SLC2A11: variants seen among roughly 807,000 people sequenced by gnomAD.
SLC2A11 encodes solute carrier family 2, facilitated glucose transporter member 11.
In SLC2A11, 43 loss-of-function variants were observed where a neutral mutation model predicts 52.1. That is an observed-to-expected ratio of 0.82 (90% CI 0.65 to 1.06). SLC2A11 has a LOEUF of 1.06. Among genes scored for constraint, SLC2A11 ranks in the 50% least tolerant of loss-of-function variants. The pLI, the probability that SLC2A11 is intolerant of heterozygous loss-of-function variation, is 0.00. For missense variants in SLC2A11, 582 were observed against 654.2 expected (o/e 0.89, Z 1.20); for synonymous variants, 261 against 277.6 (o/e 0.94, Z 0.59).
chr22:23,857,484 A>T, upstream of SLC2A11: 4 of 1,613,702 alleles, frequency 2.5e-6, no homozygotes, highest in Non-Finnish European at 3.4e-6. Context: ...GCTGCGGCAG[A>T]GGCGGATGGA....
Position 23,885,197 on chromosome 22 carries a change from T to A in SLC2A11, c.*348T>A, listed in dbSNP as rs1051188409. 2 of 427,092 alleles carry A rather than the reference T, an allele frequency of 4.7e-6. No homozygotes were observed. Among genetic ancestry groups the A allele is most frequent in the Admixed American group, 8.1e-5 (2 of 24,752 alleles). The allele number at this position is 427,092 out of a possible 1,614,324, so 26.5% of individuals were successfully genotyped here. A position where few individuals can be genotyped will look rare whatever the true frequency, so the allele number is the denominator to read the frequency against. ...TGAGACCCCCTATCTCTACAAAAAA[T>A]TTTAAACATTAGCTGGGCATGGTGG... On this transcript the variant is annotated 3_prime_UTR_variant, in exon 12 of 12. Transcript: ENST00000316185.
chr22:23,861,951 G>A (rs148958350), intron 1 of SLC2A11, among the ~76,000 whole-genome samples, 153 bp from the exon 2 acceptor site: 1,584 of 152,334 alleles, frequency 0.01, 19 homozygotes, highest in South Asian at 0.053. Context: ...TGTGACCCAG[G>A]TAACTCCTCT....
chr22:23,869,807 G>T, intron 3 of SLC2A11: 1 of 578,434 alleles, frequency 1.7e-6, no homozygotes, highest in Non-Finnish European at 3.1e-6. Flanking sequence ...TGTACCGTGA[G>T]GGCTACTCTT....
At chr22:23,857,763 T>C, upstream of SLC2A11, 1 of 1,385,006 alleles carries the variant, frequency 7.2e-7, no homozygotes, top group Non-Finnish European at 9.5e-7. Context: ...TCGTTTAGCG[T>C]TGCGCGAACC....
At position 23,875,191 on chromosome 22, in the gene SLC2A11, G is replaced by A. The variant is rs998949157; in HGVS notation, c.365G>A (p.Gly122Asp). The A allele has an allele frequency of 8.2e-6, 13 of 1,588,096 alleles. No homozygotes were observed. Among genetic ancestry groups the A allele is most frequent in the Admixed American group, 1.8e-5 (1 of 56,164 alleles). Residue 122 changes from glycine to aspartate, a missense_variant, in exon 4 of 12, where the codon GGC becomes GAC. Coordinates refer to ENST00000316185, the MANE Select transcript of SLC2A11 (RefSeq NM_001024939.4). ...AILFGFSRKA[G>D]SFEMIMLGRL... ...CTGTTTGGATTCAGCCGCAAAGCAG[G>A]CTCCTTTGAGATGATCATGCTGGGA...
In SLC2A11 at chr22:23,884,117, C is replaced by T. The variant is rs1035210110; in HGVS notation, c.1171+93C>T. On this transcript the variant is annotated intron_variant, in intron 10 of 11. Transcript: ENST00000316185. The surrounding 1 kb of genome is among the most constrained non-coding windows in gnomAD (Gnocchi z 4.3). ...CAGTGGGTGGGTGTGAATGCAATGT[C>T]CCCTGCAGGCCCTCAGAGACCACCT... is the stretch of plus-strand genomic sequence containing the variant. The T allele has an allele frequency of 9.8e-6, 15 of 1,528,368 alleles. No individual in the cohort carries two copies. In the East Asian group the frequency reaches 3.2e-4, roughly 33 times the overall value. 94.7% of individuals were successfully genotyped at this position (1,528,368 alleles called of 1,614,324 possible).
At chr22:23,857,334 A>G, upstream of SLC2A11, 1 of 1,255,076 alleles carries the variant, frequency 8.0e-7, no homozygotes, top group Non-Finnish European at 1.1e-6. Flanking sequence ...GAGCGCGGCG[A>G]CCAGAGTCGC....
rs1386123368 is a variant in SLC2A11 at position 23,883,716 on chromosome 22, C to T, written c.994-56C>T. On this transcript the variant is annotated intron_variant, in intron 8 of 11. Transcript: ENST00000316185. Reference sequence around the variant, plus strand: ...CAGGAGACCCCTTCCCATTGCCTGCCCCAGACCTCAGGGACCATGGCTGGG... The same window carrying T: ...CAGGAGACCCCTTCCCATTGCCTGCTCCAGACCTCAGGGACCATGGCTGGG... 4.2e-6 allele frequency: 6 copies of T among 1,420,118 alleles called. No individual in the cohort carries two copies. In the Admixed American group the frequency reaches 1.6e-4, roughly 39 times the overall value. 88.0% of individuals were successfully genotyped at this position (1,420,118 alleles called of 1,614,324 possible). A position where few individuals can be genotyped will look rare whatever the true frequency, so the allele number is the denominator to read the frequency against.
At chr22:23,857,071 TG>T (rs2031854560), upstream of SLC2A11, 5 of 301,406 alleles carry the variant, frequency 1.7e-5, no homozygotes, top group Non-Finnish European at 2.2e-5. Flanking sequence ...AGTGTGTGTG[TG>T]TGGGGGGGGG....
At chr22:23,867,559 A>G (rs1158665527) in intron 2 of SLC2A11, 2 of 382,764 alleles carry the variant, frequency 5.2e-6, no homozygotes, top group South Asian at 4.0e-5. Flanking sequence ...ATTTCATCAT[A>G]CCTGCGCTTA....
At position 23,857,885 on chromosome 22, in the gene SLC2A11, A is replaced by G. The variant is rs1568980858; in HGVS notation, c.-115A>G. ...CGCGTGCGCTAGCGCCTCTTTCACC[A>G]CTGGGCGCTGCGCGCTGCCCTTCCC... On this transcript the variant is annotated 5_prime_UTR_variant, in exon 1 of 12. Transcript: ENST00000316185. The G allele has an allele frequency of 1.9e-6, 3 of 1,556,150 alleles. No individual in the cohort carries two copies. The highest frequency in any genetic ancestry group is 1.7e-6 in the Non-Finnish European group (2 of 1,152,218).
At chr22:23,883,899 G>T in intron 9 of SLC2A11, 26 bp downstream of exon 9, 1 of 1,608,638 alleles carries the variant, frequency 6.2e-7, no homozygotes, top group East Asian at 2.2e-5. Context: ...GAGGGCTGGG[G>T]GGTCCAGGCC....
rs150968779 is a variant in SLC2A11, at chr22:23,857,890, G to C, written c.-110G>C. 1.3e-6 allele frequency: 2 copies of C among 1,559,656 alleles called. No homozygotes were observed. Among genetic ancestry groups the C allele is most frequent in the East Asian group, 2.4e-5 (1 of 41,724 alleles). Reference sequence around the variant, plus strand: ...GCGCTAGCGCCTCTTTCACCACTGGGCGCTGCGCGCTGCCCTTCCCTCCGC... The same window carrying C: ...GCGCTAGCGCCTCTTTCACCACTGGCCGCTGCGCGCTGCCCTTCCCTCCGC... On this transcript the variant is annotated 5_prime_UTR_variant, in exon 1 of 12. Coordinates refer to ENST00000316185, the MANE Select transcript of SLC2A11 (RefSeq NM_001024939.4).
At chr22:23,862,336 C>A in intron 2 of SLC2A11, 134 bp downstream of exon 2, 1 of 761,672 alleles carries the variant, frequency 1.3e-6, no homozygotes, top group Non-Finnish European at 2.2e-6. Context: ...TGGGTTGGCC[C>A]ACAGGTTCCT....
chr22:23,857,741 T>A (rs2146097659), upstream of SLC2A11: 1 of 1,301,684 alleles, frequency 7.7e-7, no homozygotes, highest in East Asian at 2.5e-5. Context: ...TCTCAGGCCT[T>A]AGTCCCGGCC....
At chr22:23,876,950 C>A in intron 4 of SLC2A11, 92 bp from the exon 5 acceptor site, 2 of 1,593,810 alleles carry the variant, frequency 1.3e-6, no homozygotes, top group South Asian at 1.1e-5. Context: ...AGTGGCTGGA[C>A]AGTGCTGAGT....
At chr22:23,868,436 C>A (rs1260213291) in intron 2 of SLC2A11, 45 bp from the exon 3 acceptor site, 2 of 1,607,932 alleles carry the variant, frequency 1.2e-6, no homozygotes, top group Middle Eastern at 3.3e-4. Context: ...TCTAGCACCC[C>A]CACGCCACCA....
chr22:23,861,329 ATC>A (rs1367193414), intron 1 of SLC2A11, among the ~76,000 whole-genome samples: 2 of 34,282 alleles, frequency 5.8e-5, no homozygotes, highest in Non-Finnish European at 1.3e-4. Context: ...AATCCCAACT[ATC>A]CCAACTACAA....
intron 2 of SLC2A11, chr22:23,867,575 A>G (rs2032311773): frequency 2.4e-6 from 1 of 411,858 alleles, no homozygotes; most frequent in African/African-American, 2.1e-5. Context: ...GCTTATGGTA[A>G]TGAGATGACA....
Sources: gnomAD v4.1 joint callset for allele counts (sites outside exome capture counted in the v4.1 genomes callset) on GRCh38, gnomAD v4.1.1 for gene constraint, Gnocchi (gnomAD v3.1) non-coding constraint, MANE v1.5 for transcripts, NCBI Gene and HGNC (gene_info 2026-07-23, HGNC 2026-07-21) for gene names.